Variants in SLC9C1 observed in about 807,000 individuals in gnomAD.
SLC9C1 encodes sodium/hydrogen exchanger 10.
A neutral mutation model predicts 140.9 loss-of-function variants in SLC9C1; 97 were observed. The observed-to-expected ratio is 0.69, with a 90% CI of 0.58 to 0.82. The LOEUF (loss-of-function observed/expected upper bound fraction) is 0.82, where lower values mean the gene tolerates loss of function less well. Among genes scored for constraint, SLC9C1 ranks in the 40% least tolerant of loss-of-function variants. SLC9C1 has a pLI of 0.00. For synonymous variants in SLC9C1, 440 were observed against 442.6 expected, an observed-to-expected ratio of 0.99 and a Z score of 0.07; for missense variants, 1,340 against 1,389.3, an observed-to-expected ratio of 0.96 and a Z score of 0.56.
At chr3:112,266,520 T>G (rs962803218) in intron 7 of SLC9C1, among the ~76,000 whole-genome samples, 180 bp from the exon 8 acceptor site, 1 of 152,184 alleles carries the variant, frequency 6.6e-6, no homozygotes, top group Non-Finnish European at 1.5e-5. Flanking sequence ...GTCCTTTTTC[T>G]TCCTCCAACT....
At chr3:112,213,191 G>A (rs1164734587) in intron 15 of SLC9C1, among the ~76,000 whole-genome samples, 2 of 152,150 alleles carry the variant, frequency 1.3e-5, no homozygotes, top group Non-Finnish European at 2.9e-5. Context: ...TGCCCTACAA[G>A]AGCTCCTGAA....
chr3:112,235,945 C>T lies in SLC9C1; in HGVS notation c.1446+3895G>A, dbSNP rs1435470761. Among the ~76,000 whole-genome samples, 8 of 152,110 alleles carry T rather than the reference C, an allele frequency of 5.3e-5. No homozygotes were observed. The South Asian group carries it at 1.5e-3, about 28-fold the overall frequency. On this transcript the variant is annotated intron_variant, in intron 12 of 28. Coordinates refer to ENST00000305815, the MANE Select transcript of SLC9C1 (RefSeq NM_183061.3). Reference sequence around the variant, plus strand: ...CTAAAATTCTTGTTTTTTGTTGTGTCTCTGCCAGGCTTTGGTATCAGGATG... The same window carrying T: ...CTAAAATTCTTGTTTTTTGTTGTGTTTCTGCCAGGCTTTGGTATCAGGATG...
chr3:112,204,437 T>C lies in SLC9C1; in HGVS notation c.1987-34A>G, dbSNP rs373820952. ...TTAAAAGGAAATTACATTATCATGT[T>C]TGTTTCTGCTTTTACTACACCATTT... is the stretch of plus-strand genomic sequence containing the variant. On this transcript the variant is annotated intron_variant, in intron 16 of 28. Coordinates refer to ENST00000305815, the MANE Select transcript of SLC9C1 (RefSeq NM_183061.3). The C allele has an allele frequency of 3.4e-5, 52 of 1,530,530 alleles. No homozygotes were observed. The African/African-American group carries it at 6.6e-4, about 19-fold the overall frequency. 94.8% of individuals were successfully genotyped at this position (1,530,530 alleles called of 1,614,324 possible). A position where few individuals can be genotyped will look rare whatever the true frequency, so the allele number is the denominator to read the frequency against.
intron 10 of SLC9C1, 139 bp from the exon 11 acceptor site, chr3:112,244,215 G>T: frequency 2.3e-6 from 1 of 434,854 alleles, no homozygotes; most frequent in Admixed American, 4.4e-5. Context: ...CATGGCAGGG[G>T]AGGAATTAAT....
chr3:112,223,725 A>G (rs1366490612), intron 13 of SLC9C1, among the ~76,000 whole-genome samples: 1 of 152,206 alleles, frequency 6.6e-6, no homozygotes, highest in African/African-American at 2.4e-5. Flanking sequence ...AGATCCTATA[A>G]TAAACCTCAA....
intron 25 of SLC9C1, among the ~76,000 whole-genome samples, 179 bp downstream of exon 25, chr3:112,168,698 G>T (rs2077187005): frequency 6.6e-6 from 1 of 152,170 alleles, no homozygotes; most frequent in Non-Finnish European, 1.5e-5. Context: ...AATGAACTTG[G>T]TGTGTGTGGG....
At position 112,221,144 on chromosome 3, in the gene SLC9C1, C is replaced by CA; in HGVS notation, c.1653dup (p.Gly552TrpfsTer2). 10 of 1,613,490 alleles carry CA rather than the reference C, an allele frequency of 6.2e-6. No homozygotes were observed. Among genetic ancestry groups the CA allele is most frequent in the Non-Finnish European group, 7.6e-6 (9 of 1,179,680 alleles). On this transcript the variant is annotated frameshift_variant, in exon 14 of 29. Transcript: ENST00000305815. LOFTEE classifies it high-confidence loss of function. ...TATACTTACTTTCCCTTCTTCTCAC[C>CA]AAAACTTTCTGCTGCACCAACCAAC...
At chr3:112,254,642 A>G (rs996442418) in intron 10 of SLC9C1, among the ~76,000 whole-genome samples, 2 of 152,164 alleles carry the variant, frequency 1.3e-5, no homozygotes, top group Non-Finnish European at 2.9e-5. Flanking sequence ...AAAAACACAC[A>G]TAAATACATA....
At chr3:112,289,498 T>C (rs1388574643) in intron 1 of SLC9C1, among the ~76,000 whole-genome samples, 2 of 152,228 alleles carry the variant, frequency 1.3e-5, no homozygotes, top group African/African-American at 4.8e-5. Context: ...TCATTTTAGC[T>C]GAGACTGAGG....
At position 112,202,703 on chromosome 3, in the gene SLC9C1, C is replaced by G. The variant is rs183530172; in HGVS notation, c.2173-304G>C. On this transcript the variant is annotated intron_variant, in intron 17 of 28. Coordinates refer to ENST00000305815, the MANE Select transcript of SLC9C1 (RefSeq NM_183061.3). ...TGGTTTCAATTCTTGGAAAACAATGCAATTAATCTTCTGTGCTTAGGTCAT... is the reference window on the plus strand; with the variant it reads ...TGGTTTCAATTCTTGGAAAACAATGGAATTAATCTTCTGTGCTTAGGTCAT... Among the ~76,000 whole-genome samples the G allele has an allele frequency of 5.8e-3, 886 of 152,048 alleles. 13 individuals are homozygous for G. The highest frequency in any genetic ancestry group is 0.025 in the Admixed American group (384 of 15,236).
Position 112,151,845 on chromosome 3 carries a change from A to C in SLC9C1, c.3524+12T>G. 1 of 1,606,638 alleles carries C rather than the reference A, an allele frequency of 6.2e-7. No individual in the cohort carries two copies. Among genetic ancestry groups the C allele is most frequent in the East Asian group, 2.2e-5 (1 of 44,810 alleles). ...TGCTCCTGATCCTGTTGAGGAAACCAGAGTGGCTTACCTGACTTTCCTTAG... is the reference window on the plus strand; with the variant it reads ...TGCTCCTGATCCTGTTGAGGAAACCCGAGTGGCTTACCTGACTTTCCTTAG... On this transcript the variant is annotated intron_variant, in intron 28 of 28. Coordinates refer to ENST00000305815, the MANE Select transcript of SLC9C1 (RefSeq NM_183061.3).
At chr3:112,190,155 G>T (rs185813334) in intron 20 of SLC9C1, among the ~76,000 whole-genome samples, 1 of 152,144 alleles carries the variant, frequency 6.6e-6, no homozygotes, top group Non-Finnish European at 1.5e-5. Context: ...GGGTTTTCTA[G>T]ATATACAATC....
intron 16 of SLC9C1, among the ~76,000 whole-genome samples, chr3:112,207,657 T>G (rs2078092329): frequency 6.6e-6 from 1 of 152,114 alleles, no homozygotes; most frequent in Non-Finnish European, 1.5e-5. Flanking sequence ...TGTTGTTTAT[T>G]ATGCAATGTA....
chr3:112,174,655 A>G, intron 23 of SLC9C1, among the ~76,000 whole-genome samples: 1 of 152,096 alleles, frequency 6.6e-6, no homozygotes, highest in East Asian at 1.9e-4. Context: ...TCACCTCCAT[A>G]TGGTGGCTGC....
At chr3:112,275,402 T>G (rs1274748679) in intron 5 of SLC9C1, among the ~76,000 whole-genome samples, 1 of 152,180 alleles carries the variant, frequency 6.6e-6, no homozygotes, top group Non-Finnish European at 1.5e-5. Flanking sequence ...GACATCCAAA[T>G]AAAGTATTAA....
chr3:112,270,681 T>C (rs146247088), intron 6 of SLC9C1, among the ~76,000 whole-genome samples: 2,654 of 152,222 alleles, frequency 0.017, 81 homozygotes, highest in African/African-American at 0.06. Context: ...CTGGGTGTGG[T>C]GGCACATGCC....
intron 10 of SLC9C1, among the ~76,000 whole-genome samples, chr3:112,258,981 A>C (rs1326069419): frequency 1.3e-5 from 2 of 152,252 alleles, no homozygotes; most frequent in East Asian, 3.9e-4. Flanking sequence ...CTCACTCACT[A>C]TCATGAGAAC....
rs2077988461 is a variant in SLC9C1, at chr3:112,204,399, GCTAT to G, written c.1987_1990del (p.Ile663GlnfsTer3). The stretch of plus-strand genomic sequence containing the variant: ...TGAAAAAAAGTCCTTCCTCATTGCT[GCTAT>G]CTGTTGATTTAAAAGGAAATTACAT... On this transcript the variant is annotated frameshift_variant and splice_region_variant, in exon 17 of 29. Transcript: ENST00000305815. LOFTEE classifies it high-confidence loss of function. The G allele has an allele frequency of 1.3e-6, 2 of 1,559,748 alleles. No homozygotes were observed. Among genetic ancestry groups the G allele is most frequent in the Non-Finnish European group, 1.7e-6 (2 of 1,162,210 alleles).
Position 112,286,851 on chromosome 3 carries a change from CTTG to C in SLC9C1, c.-63_-61del, listed in dbSNP as rs555772730. 141 of 1,221,530 alleles carry C rather than the reference CTTG, an allele frequency of 1.2e-4. 1 individual carries two copies. Among genetic ancestry groups the C allele is most frequent in the South Asian group, 4.3e-4 (29 of 67,574 alleles). 75.7% of individuals were successfully genotyped at this position (1,221,530 alleles called of 1,614,324 possible). ...AAGCAATCTCCATATGATCATCCATCTTGTTGTTTTTCACAGTCCATCTGAATC... is the reference window on the plus strand; with the variant it reads ...AAGCAATCTCCATATGATCATCCATCTTGTTTTTCACAGTCCATCTGAATC... On this transcript the variant is annotated 5_prime_UTR_variant, in exon 2 of 29. Transcript: ENST00000305815.
Sources: gnomAD v4.1 joint callset for allele counts (sites outside exome capture counted in the v4.1 genomes callset) on GRCh38, gnomAD v4.1.1 for gene constraint, MANE v1.5 for transcripts, NCBI Gene and HGNC (gene_info 2026-07-23, HGNC 2026-07-21) for gene names.